Variants in PIK3R5 observed in about 807,000 individuals in gnomAD.
The protein encoded by PIK3R5 is phosphoinositide 3-kinase regulatory subunit 5.
A neutral mutation model predicts 94.9 loss-of-function variants in PIK3R5; 32 were observed. The observed-to-expected ratio is 0.34, with a 90% CI of 0.25 to 0.45. PIK3R5 has a LOEUF of 0.45. Among genes scored for constraint, PIK3R5 ranks in the 20% least tolerant of loss-of-function variants. The pLI is 1.00. For synonymous variants in PIK3R5, 443 were observed against 479.4 expected (o/e 0.92, Z 0.99); for missense variants, 853 against 1,144.6 (o/e 0.75, Z 3.68).
intron 1 of PIK3R5, among the ~76,000 whole-genome samples, chr17:8,913,266 C>T (rs540009530): frequency 1.2e-3 from 176 of 152,274 alleles, no homozygotes; most frequent in African/African-American, 3.9e-3. Context: ...GGAGCCAGCC[C>T]ATGCCACAGT....
chr17:8,893,574 A>T lies in PIK3R5; in HGVS notation c.482+12T>A. The T allele has an allele frequency of 6.2e-7, 1 of 1,610,642 alleles. No individual in the cohort carries two copies. Among genetic ancestry groups the T allele is most frequent in the African/African-American group, 1.3e-5 (1 of 74,968 alleles). On this transcript the variant is annotated intron_variant, in intron 6 of 18. Transcript: ENST00000447110. This position sits in a 1 kb window ranked among gnomAD's most constrained non-coding sequence, Gnocchi z 5.1. ...CCTCCCCACTGTTTCTCCGTCCCCCAAGAGCACTCACACGGTGGAGCTGCG... is the reference window on the plus strand; with the variant it reads ...CCTCCCCACTGTTTCTCCGTCCCCCTAGAGCACTCACACGGTGGAGCTGCG...
rs1404977347 is a variant in PIK3R5 at position 8,880,324 on chromosome 17, C to T, written c.*315G>A. On this transcript the variant is annotated 3_prime_UTR_variant, in exon 19 of 19. Transcript: ENST00000447110. ...CCCCCTGAGCACCAGAGCCTCAGATCTTCCTTCTAGAAAGGATCCTAGACC... is the reference window on the plus strand; with the variant it reads ...CCCCCTGAGCACCAGAGCCTCAGATTTTCCTTCTAGAAAGGATCCTAGACC... 1 of 245,788 alleles carries T rather than the reference C, an allele frequency of 4.1e-6. No homozygotes were observed. Among genetic ancestry groups the T allele is most frequent in the Non-Finnish European group, 7.7e-6 (1 of 129,742 alleles). The allele number at this position is 245,788 out of a possible 1,614,324, so 15.2% of individuals were successfully genotyped here.
chr17:8,902,294 T>C (rs911650978), intron 5 of PIK3R5, among the ~76,000 whole-genome samples: 16 of 144,562 alleles, frequency 1.1e-4, no homozygotes, highest in South Asian at 2.2e-4. Flanking sequence ...TCTCGCTTTG[T>C]CTGCAGGCTG....
At chr17:8,898,895 T>C (rs1359462608) in intron 5 of PIK3R5, among the ~76,000 whole-genome samples, 1 of 152,218 alleles carries the variant, frequency 6.6e-6, no homozygotes, top group East Asian at 1.9e-4. Context: ...CTTCTCAAAA[T>C]CATTTCCCAT....
chr17:8,919,951 G>A (rs1384484369), intron 1 of PIK3R5, among the ~76,000 whole-genome samples: 27 of 136,916 alleles, frequency 2.0e-4, no homozygotes, highest in Middle Eastern at 4.5e-3. Flanking sequence ...GTGCAGTGGC[G>A]TGATCTCGGC....
intron 3 of PIK3R5, among the ~76,000 whole-genome samples, chr17:8,908,032 T>C (rs904428620): frequency 3.3e-5 from 5 of 152,226 alleles, no homozygotes; most frequent in African/African-American, 1.2e-4. Context: ...CATATTTGTT[T>C]ACAACTTCTA....
chr17:8,924,984 C>T (rs1392643575), intron 1 of PIK3R5, among the ~76,000 whole-genome samples: 1 of 152,026 alleles, frequency 6.6e-6, no homozygotes, highest in Non-Finnish European at 1.5e-5. Context: ...CAACTTCTCA[C>T]CAAATATACC....
In PIK3R5 at chr17:8,880,733, G is replaced by A. The variant is rs2089633027; in HGVS notation, c.2549C>T (p.Pro850Leu). The change falls in exon 19 of 19, where the codon CCC (proline) becomes CTC (leucine). Residue 850 changes from proline to leucine, a missense_variant. By Grantham distance (98) the Pro-to-Leu change is moderately conservative. Around this residue, in one of 6 missense-constraint regions of PIK3R5, gnomAD observed 91 missense variants for 90.5 expected, o/e 1.01. Transcript: ENST00000447110. The part of the protein sequence containing the change: ...KPEKSDLSSP[P>L]QTPPDLPAQA... Reference sequence around the variant, plus strand: ...GGCCGGCAGGTCAGGAGGCGTCTGGGGTGGTGAGGAGAGGTCGCTCTTCTC... The same window carrying A: ...GGCCGGCAGGTCAGGAGGCGTCTGGAGTGGTGAGGAGAGGTCGCTCTTCTC... 6.2e-7 allele frequency: 1 copy of A among 1,613,952 alleles called. No individual in the cohort carries two copies. The highest frequency in any genetic ancestry group is 1.1e-5 in the South Asian group (1 of 91,066).
chr17:8,940,075 T>C (rs945017538), intron 1 of PIK3R5, among the ~76,000 whole-genome samples: 24 of 152,192 alleles, frequency 1.6e-4, no homozygotes, highest in African/African-American at 5.3e-4. Context: ...AGGCTTCTTG[T>C]ATGACTTCAC....
intron 1 of PIK3R5, among the ~76,000 whole-genome samples, chr17:8,960,808 A>G (rs1012533123): frequency 9.2e-5 from 14 of 152,206 alleles, no homozygotes; most frequent in African/African-American, 2.4e-4. Flanking sequence ...TCCTGAGGAC[A>G]TGAAAATGAA....
intron 1 of PIK3R5, among the ~76,000 whole-genome samples, chr17:8,934,324 A>G (rs1362290094): frequency 6.6e-6 from 1 of 152,250 alleles, no homozygotes; most frequent in Non-Finnish European, 1.5e-5. Flanking sequence ...ACCATTCATA[A>G]TAGCATCAAA....
intron 1 of PIK3R5, among the ~76,000 whole-genome samples, chr17:8,940,244 T>A (rs1346520906): frequency 6.6e-6 from 1 of 152,158 alleles, no homozygotes; most frequent in Non-Finnish European, 1.5e-5. Flanking sequence ...GCCCTGCCCT[T>A]CTCACCTCAC....
At chr17:8,947,632 C>T (rs1035522279) in intron 1 of PIK3R5, among the ~76,000 whole-genome samples, 4 of 152,092 alleles carry the variant, frequency 2.6e-5, no homozygotes, top group Admixed American at 1.3e-4. Flanking sequence ...AGAAAAGAGG[C>T]GGAAATGTGA....
chr17:8,958,723 T>G (rs973562680), intron 1 of PIK3R5, among the ~76,000 whole-genome samples: 1 of 151,864 alleles, frequency 6.6e-6, no homozygotes, highest in Non-Finnish European at 1.5e-5. Flanking sequence ...TTTATATTCA[T>G]GTGTGTGGCC....
intron 1 of PIK3R5, among the ~76,000 whole-genome samples, chr17:8,932,302 C>T (rs969630346): frequency 2.0e-5 from 3 of 151,818 alleles, no homozygotes; most frequent in Non-Finnish European, 4.4e-5. Context: ...GGCGTGATCT[C>T]GGCTCACTGC....
In PIK3R5 at chr17:8,888,869, G is replaced by A. The variant is rs1480222436; in HGVS notation, c.918C>T (p.Leu306=). ...CTGGCTGGAGTAGCTCCTGTTCCTT[G>A]AGCAGGATTTCCTGCAGGATGTCTG... ...DSFDILQEIL[L]KEQELLQPGI... The change falls in exon 10 of 19, where the codon CTC becomes CTT. Residue 306 remains leucine, a synonymous_variant. Transcript: ENST00000447110. The surrounding 1 kb of genome is among the most constrained non-coding windows in gnomAD (Gnocchi z 7.8). The A allele has an allele frequency of 1.2e-6, 2 of 1,601,146 alleles. No homozygotes were observed. The highest frequency in any genetic ancestry group is 1.7e-6 in the Non-Finnish European group (2 of 1,177,838).
At chr17:8,940,368 G>T (rs2091153380) in intron 1 of PIK3R5, among the ~76,000 whole-genome samples, 2 of 147,338 alleles carry the variant, frequency 1.4e-5, no homozygotes, top group Admixed American at 6.8e-5. Context: ...CTGCAAGAAG[G>T]CTTAAGAACA....
rs138738059 is a variant in PIK3R5, at chr17:8,953,232, T to C, written c.-14+12364A>G. On this transcript the variant is annotated intron_variant, in intron 1 of 18. Coordinates refer to ENST00000447110, the MANE Select transcript of PIK3R5 (RefSeq NM_001142633.3). ...TCAAGTACCCTCTAGAACAGCCTTC[T>C]GAACCAACTCCCAAATGTCTCACAT... 1.2e-3 allele frequency among the ~76,000 whole-genome samples: 185 copies of C among 152,348 alleles called. 3 individuals are homozygous for C. Among genetic ancestry groups the C allele is most frequent in the South Asian group, 6.4e-3 (31 of 4,828 alleles).
rs1218539414 is a variant in PIK3R5, at chr17:8,884,930, CCTCT to C, written c.2129-151_2129-148del. On this transcript the variant is annotated intron_variant, in intron 14 of 18. Transcript: ENST00000447110. This position sits in a 1 kb window ranked among gnomAD's most constrained non-coding sequence, Gnocchi z 5.8. ...AGGGATCTGTCTCACCAAGGCCCTG[CCTCT>C]CTCTCTGGCTCCACGTTCTGGGGAT... 9.1e-6 allele frequency: 6 copies of C among 661,336 alleles called. No homozygotes were observed. In the South Asian group the frequency reaches 1.0e-4, roughly 11 times the overall value. 41.0% of individuals were successfully genotyped at this position (661,336 alleles called of 1,614,324 possible).
Sources: gnomAD v4.1 joint callset for allele counts (sites outside exome capture counted in the v4.1 genomes callset) on GRCh38, gnomAD v4.1.1 for gene constraint, gnomAD v4.1.1 regional missense constraint, Gnocchi (gnomAD v3.1) non-coding constraint, MANE v1.5 for transcripts, NCBI Gene and HGNC (gene_info 2026-07-23, HGNC 2026-07-21) for gene names.